SORCS3: variants seen among roughly 807,000 people sequenced by gnomAD.
SORCS3 encodes sortilin related VPS10 domain containing receptor 3.
A neutral mutation model predicts 146.3 loss-of-function variants in SORCS3; 57 were observed. The ratio of observed to expected loss-of-function variants is 0.39; its 90% CI spans 0.31 to 0.49. The LOEUF (loss-of-function observed/expected upper bound fraction) is 0.49. SORCS3 is among the 20% of genes least tolerant of loss of function. The pLI is 0.92. For missense variants in SORCS3, 1,341 were observed against 1,575.5 expected (o/e 0.85, Z 2.52); for synonymous variants, 653 against 618.5 (o/e 1.06, Z -0.83).
chr10:104,702,672 A>C (rs1327074554), intron 1 of SORCS3, among the ~76,000 whole-genome samples: 1 of 152,172 alleles, frequency 6.6e-6, no homozygotes, highest in Non-Finnish European at 1.5e-5. Flanking sequence ...CTTGGACTGT[A>C]CTCAGGGGCC....
At chr10:104,947,804 G>C (rs1200430836) in intron 3 of SORCS3, among the ~76,000 whole-genome samples, 1 of 151,918 alleles carries the variant, frequency 6.6e-6, no homozygotes, top group Non-Finnish European at 1.5e-5. Context: ...TGTATTTTTA[G>C]TAGAGTCAGG....
intron 1 of SORCS3, among the ~76,000 whole-genome samples, chr10:104,767,616 C>T (rs1344412602): frequency 9.7e-5 from 9 of 92,834 alleles, no homozygotes; most frequent in Non-Finnish European, 2.0e-4. Flanking sequence ...CTTCCCCCTT[C>T]CCCTTTTCCT....
At chr10:105,129,431 T>C (rs2056001664) in intron 7 of SORCS3, among the ~76,000 whole-genome samples, 1 of 149,896 alleles carries the variant, frequency 6.7e-6, no homozygotes, top group Non-Finnish European at 1.5e-5. Flanking sequence ...AATGTTTTGA[T>C]AGCAAGTTTG....
Position 105,216,939 on chromosome 10 carries a change from G to A in SORCS3, c.2551G>A (p.Asp851Asn). 1 of 1,614,156 alleles carries A rather than the reference G, an allele frequency of 6.2e-7. No individual in the cohort carries two copies. The highest frequency in any genetic ancestry group is 8.5e-7 in the Non-Finnish European group (1 of 1,180,002). Residue 851 changes from aspartate to asparagine, a missense_variant, in exon 19 of 27, where the codon GAT (aspartate) becomes AAT (asparagine). Coordinates refer to ENST00000369701, the MANE Select transcript of SORCS3 (RefSeq NM_014978.3). ...CGTCTGCTATGCCATCTTGCAGGGT[G>A]ATCTACAAAGGACAAACATCCAGCT... ...ATFIILMEEG[D>N]LQRTNIQLDF...
intron 1 of SORCS3, among the ~76,000 whole-genome samples, chr10:104,681,718 C>G (rs1409666687): frequency 6.6e-6 from 1 of 152,168 alleles, no homozygotes. Flanking sequence ...TCCATCTACA[C>G]TAGCCTCTCT....
intron 16 of SORCS3, among the ~76,000 whole-genome samples, chr10:105,209,390 G>A (rs1163165789): frequency 6.6e-6 from 1 of 152,034 alleles, no homozygotes; most frequent in Non-Finnish European, 1.5e-5. Context: ...TGATCCACCC[G>A]TCTCGGCCTC....
At chr10:104,728,749 C>T (rs2016671605) in intron 1 of SORCS3, among the ~76,000 whole-genome samples, 1 of 152,156 alleles carries the variant, frequency 6.6e-6, no homozygotes, top group Non-Finnish European at 1.5e-5. Flanking sequence ...ATCCTAGTAT[C>T]TGGCTGATCT....
chr10:105,114,412 C>A (rs1182056617), intron 7 of SORCS3, among the ~76,000 whole-genome samples: 1 of 152,104 alleles, frequency 6.6e-6, no homozygotes, highest in African/African-American at 2.4e-5. Flanking sequence ...TCTCCACATC[C>A]CTAATGTCTT....
At chr10:104,724,209 G>C (rs1428322051) in intron 1 of SORCS3, among the ~76,000 whole-genome samples, 2 of 152,104 alleles carry the variant, frequency 1.3e-5, no homozygotes, top group Non-Finnish European at 2.9e-5. Flanking sequence ...TGTCTGTAAA[G>C]GATTTTATTT....
intron 20 of SORCS3, among the ~76,000 whole-genome samples, chr10:105,242,492 TTATATATATTTATA>T (rs1370122202): frequency 6.0e-5 from 1 of 16,680 alleles, no homozygotes; most frequent in African/African-American, 2.7e-4. Flanking sequence ...ATTTATATAT[TTATATATATTTATA>T]TATATTTATA....
intron 7 of SORCS3, among the ~76,000 whole-genome samples, chr10:105,117,135 T>C (rs2133762167): frequency 6.6e-6 from 1 of 152,248 alleles, no homozygotes; most frequent in South Asian, 2.1e-4. Context: ...TCATAGGCTG[T>C]CTAGTGGGAT....
chr10:104,936,944 A>G (rs1026498638), intron 3 of SORCS3, among the ~76,000 whole-genome samples: 11 of 152,242 alleles, frequency 7.2e-5, no homozygotes, highest in Admixed American at 2.0e-4. Flanking sequence ...GATGTGGCAG[A>G]GGTCACATTT....
At chr10:105,093,002 T>C (rs1188662004) in intron 6 of SORCS3, among the ~76,000 whole-genome samples, 1 of 152,152 alleles carries the variant, frequency 6.6e-6, no homozygotes, top group Admixed American at 6.5e-5. Context: ...TGAAATACAA[T>C]TCATATAGAC....
chr10:104,706,056 C>T (rs755073446), intron 1 of SORCS3, among the ~76,000 whole-genome samples: 1 of 152,024 alleles, frequency 6.6e-6, no homozygotes, highest in Non-Finnish European at 1.5e-5. Context: ...CTGTTGCTGA[C>T]GAGTGAGTAT....
At chr10:104,862,880 T>TG (rs112982302) in intron 2 of SORCS3, among the ~76,000 whole-genome samples, 18,801 of 152,214 alleles carry the variant, frequency 0.12, 1,967 homozygotes, top group African/African-American at 0.3. Context: ...ATTTATTTTT[T>TG]AAGATTGAAG....
At chr10:104,809,589 A>G (rs747978949) in intron 1 of SORCS3, among the ~76,000 whole-genome samples, 12 of 152,232 alleles carry the variant, frequency 7.9e-5, no homozygotes, top group Non-Finnish European at 1.8e-4. Flanking sequence ...TTGAAGCTCA[A>G]GTTACAACAG....
chr10:104,821,159 A>T (rs2017868521), intron 1 of SORCS3, among the ~76,000 whole-genome samples: 1 of 152,194 alleles, frequency 6.6e-6, no homozygotes, highest in Non-Finnish European at 1.5e-5. Context: ...AACTTCAGGC[A>T]TTCTCTATAC....
chr10:105,176,753 G>T (rs2056407431), intron 13 of SORCS3, among the ~76,000 whole-genome samples: 1 of 151,990 alleles, frequency 6.6e-6, no homozygotes, highest in Non-Finnish European at 1.5e-5. Context: ...TACTCAGGAG[G>T]CTGAGGCAGG....
intron 9 of SORCS3, among the ~76,000 whole-genome samples, chr10:105,154,075 A>C (rs2119486618): frequency 6.6e-6 from 1 of 150,572 alleles, no homozygotes; most frequent in South Asian, 2.1e-4. Flanking sequence ...ATCTGAAAAA[A>C]AAAAAAAAAA....
Sources: allele counts gnomAD v4.1 joint callset (sites outside exome capture counted in the v4.1 genomes callset), GRCh38; gene constraint gnomAD v4.1.1; transcripts MANE v1.5; gene names NCBI Gene and HGNC (gene_info 2026-07-23, HGNC 2026-07-21).